ARMC8: variants seen among roughly 807,000 people sequenced by gnomAD.
The protein encoded by ARMC8 is armadillo repeat-containing protein 8.
Under a neutral mutation model 99.3 loss-of-function variants are expected in ARMC8, and 20 were observed. The observed-to-expected ratio is 0.20, with a 90% CI of 0.14 to 0.29. The LOEUF is 0.29. ARMC8 is among the 10% of genes least tolerant of loss of function. ARMC8 has a pLI of 1.00. For synonymous variants in ARMC8, 263 were observed against 278.3 expected (o/e 0.95, Z 0.55); for missense variants, 569 against 809.5 (o/e 0.70, Z 3.60).
chr3:138,229,132 GTGTATATATATATA>G (rs1219291505), intron 6 of ARMC8, 122 bp downstream of exon 6: 2 of 110,068 alleles, frequency 1.8e-5, no homozygotes, highest in African/African-American at 9.7e-5. Context: ...GTGTGTGTGC[GTGTATATATATATA>G]TATATATATA....
chr3:138,239,372 G>T, intron 9 of ARMC8, 96 bp from the exon 10 acceptor site: 1 of 895,860 alleles, frequency 1.1e-6, no homozygotes, highest in Non-Finnish European at 1.7e-6. Context: ...ATATTATTTG[G>T]TTTTCGATTT....
chr3:138,262,597 TAA>T (rs748034610), intron 12 of ARMC8: 8,241 of 1,333,186 alleles, frequency 6.2e-3, no homozygotes, highest in Admixed American at 0.027. Flanking sequence ...CTGAGGAGAT[TAA>T]AAAAAAAAAA....
intron 1 of ARMC8, chr3:138,188,422 C>T: frequency 1.3e-6 from 2 of 1,526,054 alleles, no homozygotes. Flanking sequence ...AAAAAGACGA[C>T]TTTCACCTTT....
chr3:138,214,702 G>A (rs2170310), intron 2 of ARMC8, among the ~76,000 whole-genome samples: 49,797 of 151,988 alleles, frequency 0.33, 10,243 homozygotes, highest in East Asian at 0.8. Flanking sequence ...TGTCACCCAG[G>A]CTGGAGTGCA....
At chr3:138,229,131 CGTGTATATATAT>C (rs2045849584) in intron 6 of ARMC8, 121 bp downstream of exon 6, 1 of 61,270 alleles carries the variant, frequency 1.6e-5, no homozygotes. Context: ...TGTGTGTGTG[CGTGTATATATAT>C]ATATATATAT....
intron 1 of ARMC8, among the ~76,000 whole-genome samples, chr3:138,190,281 CTTTTTTTTTTTT>C (rs141579108): frequency 8.7e-6 from 1 of 114,370 alleles, no homozygotes. Context: ...ATTTTCTTAT[CTTTTTTTTTTTT>C]TTTTTTTTTT....
intron 21 of ARMC8, among the ~76,000 whole-genome samples, chr3:138,292,316 A>G (rs953274864): frequency 1.3e-5 from 2 of 152,238 alleles, no homozygotes; most frequent in Non-Finnish European, 2.9e-5. Context: ...CTGGGATGAC[A>G]GGCGTGAGCC....
chr3:138,270,419 T>C (rs1248865288), intron 16 of ARMC8, among the ~76,000 whole-genome samples: 1 of 152,214 alleles, frequency 6.6e-6, no homozygotes, highest in Non-Finnish European at 1.5e-5. Flanking sequence ...CATGAACATA[T>C]TATATTTTTG....
At chr3:138,218,388 C>G (rs1260778775) in intron 2 of ARMC8, among the ~76,000 whole-genome samples, 3 of 152,142 alleles carry the variant, frequency 2.0e-5, no homozygotes, top group Admixed American at 6.6e-5. Flanking sequence ...GTCTCATCTC[C>G]CTATCACTTT....
chr3:138,229,614 T>C (rs2045935150), intron 6 of ARMC8, among the ~76,000 whole-genome samples: 1 of 152,174 alleles, frequency 6.6e-6, no homozygotes, highest in Non-Finnish European at 1.5e-5. Flanking sequence ...TGTTCCCTAT[T>C]ACTGGAAACT....
Position 138,245,181 on chromosome 3 carries a change from A to G in ARMC8, c.1132A>G (p.Lys378Glu), listed in dbSNP as rs2046825126. The change falls in exon 12 of 22, where the codon AAG (lysine) becomes GAG (glutamate). Residue 378 changes from lysine (K) to glutamate (E), a missense_variant and splice_region_variant. Coordinates refer to ENST00000469044, the MANE Select transcript of ARMC8 (RefSeq NM_001363941.2). ...LGANDEDIRK[K>E]IIETENMMDR... ...AGCAAATGATGAAGACATCCGGAAG[A>G]AGGTGAGTCTGGGAGAGGGGCGTCC... The G allele has an allele frequency of 6.2e-7, 1 of 1,614,248 alleles. No individual in the cohort carries two copies. The highest frequency in any genetic ancestry group is 1.3e-5 in the African/African-American group (1 of 75,068).
intron 1 of ARMC8, among the ~76,000 whole-genome samples, chr3:138,207,559 A>G (rs190438203): frequency 3.3e-5 from 5 of 152,312 alleles, no homozygotes; most frequent in Admixed American, 3.3e-4. Flanking sequence ...ATCTCTGGAT[A>G]GGAGGGTCTG....
Position 138,188,241 on chromosome 3 carries a change from G to A in ARMC8, c.45+642G>A, listed in dbSNP as rs2043185686. On this transcript the variant is annotated intron_variant, in intron 1 of 21. Transcript: ENST00000469044. ...CAGAGGTCGCGGCTCTGAGTCAGAG[G>A]AACTCTATGTTCCCTGTGCCTGGTA... 6 of 533,328 alleles carry A rather than the reference G, an allele frequency of 1.1e-5. No individual in the cohort carries two copies. The East Asian group carries it at 2.2e-4, about 20-fold the overall frequency. 33.0% of individuals were successfully genotyped at this position (533,328 alleles called of 1,614,324 possible).
intron 12 of ARMC8, among the ~76,000 whole-genome samples, chr3:138,247,127 A>G (rs183694953): frequency 4.9e-4 from 74 of 152,282 alleles, no homozygotes; most frequent in Non-Finnish European, 8.1e-4. Context: ...AAAATGATAA[A>G]TAGTAGCACT....
At chr3:138,228,500 T>C (rs192582373) in intron 5 of ARMC8, among the ~76,000 whole-genome samples, 20 of 152,332 alleles carry the variant, frequency 1.3e-4, no homozygotes, top group African/African-American at 3.8e-4. Flanking sequence ...TACTGGTGCT[T>C]AACATCTCGG....
Position 138,295,969 on chromosome 3 carries a change from CTTCT to C in ARMC8, c.*78_*81del, listed in dbSNP as rs2051449841. ...TACAGGAACCAGCCTCATTTGATTCCTTCTATTTGCACAAGTCACCTTGGACTGC... is the reference window on the plus strand; with the variant it reads ...TACAGGAACCAGCCTCATTTGATTCCATTTGCACAAGTCACCTTGGACTGC... On this transcript the variant is annotated 3_prime_UTR_variant, in exon 22 of 22. Transcript: ENST00000469044. 15 of 1,508,706 alleles carry C rather than the reference CTTCT, an allele frequency of 9.9e-6. No homozygotes were observed. Among genetic ancestry groups the C allele is most frequent in the Non-Finnish European group, 1.3e-5 (14 of 1,099,534 alleles). The allele number at this position is 1,508,706 out of a possible 1,614,324, so 93.5% of individuals were successfully genotyped here. A position where few individuals can be genotyped will look rare whatever the true frequency, so the allele number is the denominator to read the frequency against.
At chr3:138,188,292 A>T (rs1461891879) in intron 1 of ARMC8, 1 of 995,890 alleles carries the variant, frequency 1.0e-6, no homozygotes, top group Non-Finnish European at 1.4e-6. Flanking sequence ...AGGGGAGTCA[A>T]ACATTGAAGG....
chr3:138,282,448 C>G (rs1391739427), intron 18 of ARMC8, among the ~76,000 whole-genome samples: 1 of 151,972 alleles, frequency 6.6e-6, no homozygotes, highest in African/African-American at 2.4e-5. Context: ...GAGTTCGAGA[C>G]CAGCCTGGCC....
At chr3:138,224,174 G>A (rs1038804533) in intron 5 of ARMC8, among the ~76,000 whole-genome samples, 2 of 151,600 alleles carry the variant, frequency 1.3e-5, no homozygotes, top group Admixed American at 1.3e-4. Context: ...TGGCCAGGCT[G>A]GTCTTGAACT....
Sources: gnomAD v4.1 joint callset for allele counts (sites outside exome capture counted in the v4.1 genomes callset) on GRCh38, gnomAD v4.1.1 for gene constraint, MANE v1.5 for transcripts, NCBI Gene and HGNC (gene_info 2026-07-23, HGNC 2026-07-21) for gene names.